The following SALL3 variants were observed in gnomAD, a reference collection of about 807,000 sequenced individuals.
SALL3 encodes the protein sal-like protein 3.
SALL3 carries 25 observed loss-of-function variants against 66.2 expected under a neutral mutation model. The ratio of observed to expected loss-of-function variants is 0.38; its 90% CI spans 0.28 to 0.53. The LOEUF (loss-of-function observed/expected upper bound fraction) is 0.53, where lower values mean the gene tolerates loss of function less well. Ranked by LOEUF, SALL3 falls within the 20% of genes least tolerant of loss-of-function variation. The pLI is 0.85. For synonymous variants in SALL3, 1,152 were observed against 899.1 expected, an observed-to-expected ratio of 1.28 and a Z score of -5.03; for missense variants, 2,194 against 1,916.5, an observed-to-expected ratio of 1.14 and a Z score of -2.70.
Position 78,993,224 on chromosome 18 carries a change from C to T in SALL3, c.1233C>T (p.Ala411=). The change falls in exon 2 of 3, where the codon GCC becomes GCT. Residue 411 remains alanine (A), a synonymous_variant. Coordinates refer to ENST00000537592, the MANE Select transcript of SALL3 (RefSeq NM_171999.4). ...PPNVSVFEPK[A]SAEDPFFKHK... ...ATGTGTCGGTGTTCGAGCCCAAAGC[C>T]AGCGCCGAGGACCCGTTCTTCAAGC... 6.2e-7 allele frequency: 1 copy of T among 1,611,388 alleles called. No individual in the cohort carries two copies. The highest frequency in any genetic ancestry group is 1.1e-5 in the South Asian group (1 of 90,988).
intron 1 of SALL3, among the ~76,000 whole-genome samples, chr18:78,987,859 G>C (rs191083470): frequency 1.3e-5 from 2 of 152,290 alleles, no homozygotes; most frequent in African/African-American, 4.8e-5. Context: ...TCCCATTCCT[G>C]CCCATCCCCT....
chr18:78,997,520 C>T lies in SALL3; in HGVS notation c.*198C>T, dbSNP rs1914741629. The T allele has an allele frequency of 1.8e-6, 1 of 563,454 alleles. No individual in the cohort carries two copies. Among genetic ancestry groups the T allele is most frequent in the Middle Eastern group, 4.6e-4 (1 of 2,156 alleles). The allele number at this position is 563,454 out of a possible 1,614,324, so 34.9% of individuals were successfully genotyped here. ...AGCCTGACTGTTCTCGAGAACTCTG[C>T]AATCTTTTAAATAAGCTTCCTTCAA... On this transcript the variant is annotated 3_prime_UTR_variant, in exon 3 of 3. Coordinates refer to ENST00000537592, the MANE Select transcript of SALL3 (RefSeq NM_171999.4).
chr18:78,984,033 C>A (rs1162026145), intron 1 of SALL3, among the ~76,000 whole-genome samples: 3 of 152,176 alleles, frequency 2.0e-5, no homozygotes, highest in Non-Finnish European at 4.4e-5. Flanking sequence ...ACTTCCATGG[C>A]ATATGCATTA....
chr18:78,988,626 C>T (rs889024237), intron 1 of SALL3, among the ~76,000 whole-genome samples: 3 of 152,186 alleles, frequency 2.0e-5, no homozygotes, highest in African/African-American at 2.4e-5. Flanking sequence ...CAATTCCACA[C>T]GTGAGTGTTT....
intron 1 of SALL3, chr18:78,991,872 A>T (rs1599177460): frequency 8.9e-6 from 4 of 448,842 alleles, no homozygotes; most frequent in African/African-American, 6.1e-5. Flanking sequence ...TCCACAATTG[A>T]TAGGGCCTCA....
At position 78,994,662 on chromosome 18, in the gene SALL3, G is replaced by A. The variant is rs371014945; in HGVS notation, c.2671G>A (p.Ala891Thr). 6.7e-5 allele frequency: 108 copies of A among 1,609,060 alleles called. No homozygotes were observed. In the East Asian group the frequency reaches 1.5e-3, roughly 23 times the overall value. Residue 891 changes from alanine to threonine, a missense_variant, in exon 2 of 3, where the codon GCG (alanine) becomes ACG (threonine). Ala to Thr is a moderately conservative substitution (Grantham distance 58). Coordinates refer to ENST00000537592, the MANE Select transcript of SALL3 (RefSeq NM_171999.4). The stretch of plus-strand genomic sequence containing the variant: ...CGTGGGCGACCTGGAGAGCCGCAGC[G>A]CGGGCAGCCCCGCCCTGTCCGAGTC... ...SAVGDLESRSAGSPALSESSS... is the reference protein window; with the variant it reads ...SAVGDLESRSTGSPALSESSS...
In SALL3 at chr18:78,992,222, G is replaced by A. The variant is rs140405552; in HGVS notation, c.231G>A (p.Pro77=). Reference sequence around the variant, plus strand: ...ACCAGCGGAGCTGCACCAAGCTCCCGCCCGTGCTGATCGTGCACGAGGACG... The same window carrying A: ...ACCAGCGGAGCTGCACCAAGCTCCCACCCGTGCTGATCGTGCACGAGGACG... ...LEHQRSCTKL[P]PVLIVHEDAP... The change falls in exon 2 of 3, where the codon CCG becomes CCA. Residue 77 remains proline (P), a synonymous_variant. Coordinates refer to ENST00000537592, the MANE Select transcript of SALL3 (RefSeq NM_171999.4). 245 of 1,606,504 alleles carry A rather than the reference G, an allele frequency of 1.5e-4. No homozygotes were observed. In the African/African-American group the frequency reaches 2.8e-3, roughly 18 times the overall value.
Position 78,992,799 on chromosome 18 carries a change from G to A in SALL3, c.808G>A (p.Ala270Thr). 1.0e-6 allele frequency: 1 copy of A among 981,882 alleles called. No individual in the cohort carries two copies. The highest frequency in any genetic ancestry group is 1.2e-6 in the Non-Finnish European group (1 of 829,420). 60.8% of individuals were successfully genotyped at this position (981,882 alleles called of 1,614,324 possible). Reference protein sequence around the residue: ...GLAALPLSAGAPAAAIAGSGP... With the variant: ...GLAALPLSAGTPAAAIAGSGP... ...GGCCGCGCTCCCGCTGTCGGCCGGG[G>A]CCCCTGCCGCCGCCATCGCGGGCTC... Residue 270 changes from alanine to threonine, a missense_variant, in exon 2 of 3, where the codon GCC (alanine) becomes ACC (threonine). Coordinates refer to ENST00000537592, the MANE Select transcript of SALL3 (RefSeq NM_171999.4).
At position 78,997,757 on chromosome 18, in the gene SALL3, C is replaced by T. The variant is rs1222622846; in HGVS notation, c.*435C>T. On this transcript the variant is annotated 3_prime_UTR_variant, in exon 3 of 3. Transcript: ENST00000537592. ...ATGTTAAAGACGTGGTTTAGTACTC[C>T]CAATGCTGTGTATCATGACACTATC... 1 of 179,632 alleles carries T rather than the reference C, an allele frequency of 5.6e-6. No homozygotes were observed. The highest frequency in any genetic ancestry group is 1.2e-5 in the Non-Finnish European group (1 of 85,110). 11.1% of individuals were successfully genotyped at this position (179,632 alleles called of 1,614,324 possible). A position where few individuals can be genotyped will look rare whatever the true frequency, so the allele number is the denominator to read the frequency against.
At position 78,997,307 on chromosome 18, in the gene SALL3, G is replaced by T. The variant is rs1455762181; in HGVS notation, c.3888G>T (p.Glu1296Asp). Residue 1296 changes from glutamate (E) to aspartate (D), a missense_variant, in exon 3 of 3, where the codon GAG becomes GAT. Physicochemically the swap from Glu to Asp is conservative, Grantham distance 45. Coordinates refer to ENST00000537592, the MANE Select transcript of SALL3 (RefSeq NM_171999.4). ...CGCGGTTTATCGAGGATAACAAGGA[G>T]ATTGGTATCAACTAGCCAGTGACTC... is the stretch of plus-strand genomic sequence containing the variant. Reference protein sequence around the residue: ...PFTRFIEDNKEIGIN With the variant: ...PFTRFIEDNKDIGIN The T allele has an allele frequency of 6.2e-7, 1 of 1,613,622 alleles. No individual in the cohort carries two copies. Among genetic ancestry groups the T allele is most frequent in the South Asian group, 1.1e-5 (1 of 91,016 alleles).
At chr18:78,988,508 ATG>A (rs1038388885) in intron 1 of SALL3, among the ~76,000 whole-genome samples, 3 of 152,214 alleles carry the variant, frequency 2.0e-5, no homozygotes, top group African/African-American at 7.2e-5. Flanking sequence ...TTAGTAAAAT[ATG>A]TTCACTTTGG....
rs145469808 is a variant in SALL3, at chr18:78,994,109, G to A, written c.2118G>A (p.Pro706=). 7.4e-6 allele frequency: 12 copies of A among 1,612,820 alleles called. No homozygotes were observed. Among genetic ancestry groups the A allele is most frequent in the East Asian group, 2.2e-5 (1 of 44,896 alleles). The change falls in exon 2 of 3, where the codon CCG becomes CCA. Residue 706 remains proline, a synonymous_variant. Transcript: ENST00000537592. ...ACCGGACGCACACGGGGGAGCGGCCGTTCAAGTGCAAGATCTGCGGCCGCG... is the reference window on the plus strand; with the variant it reads ...ACCGGACGCACACGGGGGAGCGGCCATTCAAGTGCAAGATCTGCGGCCGCG... ...MHYRTHTGER[P]FKCKICGRAF...
In SALL3 at chr18:78,994,793, G is replaced by A. The variant is rs1914623790; in HGVS notation, c.2802G>A (p.Lys934=). 1 of 1,598,130 alleles carries A rather than the reference G, an allele frequency of 6.3e-7. No individual in the cohort carries two copies. Among genetic ancestry groups the A allele is most frequent in the Non-Finnish European group, 8.5e-7 (1 of 1,174,986 alleles). ...AGGAGCCCCAGGAAATCCCGCTCAAGACCGAGAGGCCGGACAGCCCAGCCG... is the reference window on the plus strand; with the variant it reads ...AGGAGCCCCAGGAAATCCCGCTCAAAACCGAGAGGCCGGACAGCCCAGCCG... The part of the protein sequence containing the change: ...APEEPQEIPL[K]TERPDSPAAA... Residue 934 remains lysine (K), a synonymous_variant, in exon 2 of 3, where the codon AAG becomes AAA. Coordinates refer to ENST00000537592, the MANE Select transcript of SALL3 (RefSeq NM_171999.4).
At chr18:78,986,709 T>G (rs904987586) in intron 1 of SALL3, among the ~76,000 whole-genome samples, 2 of 152,348 alleles carry the variant, frequency 1.3e-5, no homozygotes, top group African/African-American at 4.8e-5. Context: ...AAGTTACTCA[T>G]TGAAGTGGAT....
In SALL3 at chr18:78,994,288, T is replaced by C; in HGVS notation, c.2297T>C (p.Ile766Thr). ...ATCCGCATGCACATGGGCGGCCAGA[T>C]CCCCAACACGCCGCTGCCGGAGGGC... is the stretch of plus-strand genomic sequence containing the variant. Reference protein sequence around the residue: ...QHIRMHMGGQIPNTPLPEGFQ... With the variant: ...QHIRMHMGGQTPNTPLPEGFQ... Residue 766 changes from isoleucine to threonine, a missense_variant, in exon 2 of 3, where the codon ATC becomes ACC. Coordinates refer to ENST00000537592, the MANE Select transcript of SALL3 (RefSeq NM_171999.4). 1 of 1,613,680 alleles carries C rather than the reference T, an allele frequency of 6.2e-7. No homozygotes were observed. Among genetic ancestry groups the C allele is most frequent in the Non-Finnish European group, 8.5e-7 (1 of 1,179,996 alleles).
chr18:78,980,433 C>A, intron 1 of SALL3, 77 bp downstream of exon 1: 3 of 871,098 alleles, frequency 3.4e-6, no homozygotes, highest in Non-Finnish European at 1.5e-6. Flanking sequence ...GCGGCGGGAG[C>A]GGATGCGCGC....
At position 78,994,508 on chromosome 18, in the gene SALL3, C is replaced by T. The variant is rs767691481; in HGVS notation, c.2517C>T (p.Ser839=). Reference sequence around the variant, plus strand: ...CCTCCCCGCCCTCGGTCATCTCCAGCATTGCCGCCCTGGAGAACCAGATGA... The same window carrying T: ...CCTCCCCGCCCTCGGTCATCTCCAGTATTGCCGCCCTGGAGAACCAGATGA... ...CPPSPPSVIS[S]IAALENQMKM... Residue 839 remains serine (S), a synonymous_variant, in exon 2 of 3, where the codon AGC becomes AGT. Coordinates refer to ENST00000537592, the MANE Select transcript of SALL3 (RefSeq NM_171999.4). The T allele has an allele frequency of 3.7e-6, 6 of 1,611,586 alleles. No individual in the cohort carries two copies. The East Asian group carries it at 8.9e-5, about 24-fold the overall frequency.
intron 1 of SALL3, among the ~76,000 whole-genome samples, chr18:78,985,741 A>C (rs1914226631): frequency 6.6e-6 from 1 of 152,152 alleles, no homozygotes; most frequent in Non-Finnish European, 1.5e-5. Flanking sequence ...TTATATGTCT[A>C]AGTGGTTTTG....
chr18:78,991,050 GT>G (rs1914415250), intron 1 of SALL3, among the ~76,000 whole-genome samples: 1 of 152,086 alleles, frequency 6.6e-6, no homozygotes. Context: ...CAATTAGAGG[GT>G]TTTCCACTAT....
Sources: gnomAD v4.1 joint callset for allele counts (sites outside exome capture counted in the v4.1 genomes callset) on GRCh38, gnomAD v4.1.1 for gene constraint, MANE v1.5 for transcripts, NCBI Gene and HGNC (gene_info 2026-07-23, HGNC 2026-07-21) for gene names.